Variants in MALRD1 observed in about 807,000 individuals in gnomAD.
The protein encoded by MALRD1 is MAM and LDL-receptor class A domain-containing protein 1.
MALRD1 carries 247 observed loss-of-function variants against 242.1 expected under a neutral mutation model. That is an observed-to-expected ratio of 1.02 (90% CI 0.92 to 1.13). The LOEUF is 1.13. Ranked by LOEUF, MALRD1 falls within the 50% of genes most tolerant of loss-of-function variation. MALRD1 has a pLI of 0.00. For missense variants in MALRD1, 2,989 were observed against 2,533.1 expected, an observed-to-expected ratio of 1.18 and a Z score of -3.86; for synonymous variants, 995 against 866.6, an observed-to-expected ratio of 1.15 and a Z score of -2.60.
intron 31 of MALRD1, among the ~76,000 whole-genome samples, chr10:19,520,190 G>T (rs554394685): frequency 6.6e-6 from 1 of 151,972 alleles, no homozygotes; most frequent in Non-Finnish European, 1.5e-5. Context: ...ATTGAAACTC[G>T]TGTGTATCTA....
intron 28 of MALRD1, among the ~76,000 whole-genome samples, chr10:19,439,324 A>G (rs1188758579): frequency 1.3e-5 from 2 of 152,118 alleles, no homozygotes; most frequent in African/African-American, 2.4e-5. Flanking sequence ...TGAGCCCATT[A>G]GTTTAAAACC....
At chr10:19,479,316 G>A (rs1836883579) in intron 29 of MALRD1, among the ~76,000 whole-genome samples, 1 of 152,182 alleles carries the variant, frequency 6.6e-6, no homozygotes, top group South Asian at 2.1e-4. Context: ...AGGAGAGCCA[G>A]ATGGATAGAT....
chr10:19,111,994 A>G (rs954754692), intron 5 of MALRD1, among the ~76,000 whole-genome samples: 12 of 152,232 alleles, frequency 7.9e-5, no homozygotes, highest in African/African-American at 2.2e-4. Flanking sequence ...TAAATTGCCA[A>G]ATGGGACTCT....
At chr10:19,459,569 T>A (rs189571239) in intron 29 of MALRD1, among the ~76,000 whole-genome samples, 4 of 152,198 alleles carry the variant, frequency 2.6e-5, no homozygotes, top group Admixed American at 2.6e-4. Context: ...AAAAGAACTA[T>A]GTGATTGAGT....
At chr10:19,681,913 T>C (rs1842388770) in intron 36 of MALRD1, among the ~76,000 whole-genome samples, 1 of 149,462 alleles carries the variant, frequency 6.7e-6, no homozygotes, top group Non-Finnish European at 1.5e-5. Context: ...TGGATTGCAA[T>C]GGCACAGTCT....
At chr10:19,463,160 T>G (rs967379611) in intron 29 of MALRD1, among the ~76,000 whole-genome samples, 4 of 152,276 alleles carry the variant, frequency 2.6e-5, no homozygotes, top group Middle Eastern at 3.4e-3. Context: ...TTTTTAAATT[T>G]AATTTTAATT....
chr10:19,642,307 T>TA (rs1840424483), intron 36 of MALRD1, among the ~76,000 whole-genome samples: 1 of 152,158 alleles, frequency 6.6e-6, no homozygotes. Flanking sequence ...TGGGTAATTT[T>TA]AAAATTTTTC....
intron 36 of MALRD1, among the ~76,000 whole-genome samples, chr10:19,685,560 A>G (rs574075978): frequency 8.5e-5 from 13 of 152,354 alleles, no homozygotes; most frequent in Non-Finnish European, 1.9e-4. Context: ...ATTGACTTAT[A>G]CAACTGAAAG....
chr10:19,368,840 C>A (rs915282902), intron 26 of MALRD1, among the ~76,000 whole-genome samples: 1 of 146,226 alleles, frequency 6.8e-6, no homozygotes, highest in Non-Finnish European at 1.5e-5. Context: ...TTCCTGATAG[C>A]TTTTTGCTTG....
At chr10:19,675,280 A>T (rs1485081347) in intron 36 of MALRD1, among the ~76,000 whole-genome samples, 1 of 152,192 alleles carries the variant, frequency 6.6e-6, no homozygotes, top group African/African-American at 2.4e-5. Flanking sequence ...CCTTTTATGA[A>T]GAACTGAAAT....
Position 19,673,231 on chromosome 10 carries a change from A to G in MALRD1, c.6138-19051A>G, listed in dbSNP as rs184999971. Among the ~76,000 whole-genome samples, 350 of 151,992 alleles carry G rather than the reference A, an allele frequency of 2.3e-3. 2 individuals are homozygous for G. The highest frequency in any genetic ancestry group is 7.9e-3 in the African/African-American group (329 of 41,464). ...CCCCATCTCTACTAAAAAACAATAC[A>G]AAAAAATTAACCGGGCATGGTGGCG... On this transcript the variant is annotated intron_variant, in intron 36 of 39. Coordinates refer to ENST00000454679, the MANE Select transcript of MALRD1 (RefSeq NM_001142308.3).
At chr10:19,564,093 A>C (rs1420322189) in intron 32 of MALRD1, among the ~76,000 whole-genome samples, 1 of 152,182 alleles carries the variant, frequency 6.6e-6, no homozygotes, top group African/African-American at 2.4e-5. Context: ...AGACAGTTAA[A>C]CCTCTTTTCT....
intron 12 of MALRD1, among the ~76,000 whole-genome samples, chr10:19,163,355 C>T (rs1355815799): frequency 3.3e-5 from 5 of 151,804 alleles, no homozygotes; most frequent in East Asian, 1.9e-4. Flanking sequence ...TTTGTGGGAA[C>T]GTGGATGGAG....
intron 18 of MALRD1, among the ~76,000 whole-genome samples, chr10:19,237,868 TAGAATTTTATATAGTTATATACATTATAA>T (rs1838442069): frequency 9.8e-6 from 1 of 101,990 alleles, no homozygotes; most frequent in Non-Finnish European, 2.0e-5. Context: ...TATAATTATA[TAGAATTTTATATAGTTATATACATTATAA>T]ATAATTTTAT....
At chr10:19,517,696 G>C (rs1833696353) in intron 31 of MALRD1, among the ~76,000 whole-genome samples, 1 of 152,100 alleles carries the variant, frequency 6.6e-6, no homozygotes, top group African/African-American at 2.4e-5. Flanking sequence ...TTGTTATGAA[G>C]TTCAGTATGA....
chr10:19,110,603 C>G (rs1173040576), intron 5 of MALRD1, among the ~76,000 whole-genome samples: 1 of 152,142 alleles, frequency 6.6e-6, no homozygotes, highest in Non-Finnish European at 1.5e-5. Context: ...ATATGGCTAA[C>G]TGAAGGCAAT....
At chr10:19,298,793 A>G (rs751837395) in intron 21 of MALRD1, among the ~76,000 whole-genome samples, 1 of 151,992 alleles carries the variant, frequency 6.6e-6, no homozygotes, top group Non-Finnish European at 1.5e-5. Context: ...CACAACTTTA[A>G]TCAGTTCACT....
intron 38 of MALRD1, among the ~76,000 whole-genome samples, chr10:19,701,350 G>A (rs777036890): frequency 1.2e-4 from 19 of 152,104 alleles, no homozygotes; most frequent in Non-Finnish European, 2.2e-4. Context: ...AAGTGGATGC[G>A]GCCCGGATAG....
chr10:19,542,021 ACTTT>A (rs1296104762), intron 32 of MALRD1, among the ~76,000 whole-genome samples: 11 of 152,198 alleles, frequency 7.2e-5, no homozygotes, highest in African/African-American at 2.7e-4. Context: ...TTCAAAATAG[ACTTT>A]CTTTTCACAA....
Sources: gnomAD v4.1 joint callset for allele counts (sites outside exome capture counted in the v4.1 genomes callset) on GRCh38, gnomAD v4.1.1 for gene constraint, MANE v1.5 for transcripts, NCBI Gene and HGNC (gene_info 2026-07-23, HGNC 2026-07-21) for gene names.